The following RUBCN variants were observed in gnomAD, a reference collection of about 807,000 sequenced individuals.
RUBCN encodes rubicon autophagy regulator, also known as run domain Beclin-1-interacting and cysteine-rich domain-containing protein.
RUBCN carries 74 observed loss-of-function variants against 113.2 expected under a neutral mutation model. That is an observed-to-expected ratio of 0.65 (90% confidence interval 0.54 to 0.79). RUBCN has a LOEUF of 0.79. Among genes scored for constraint, RUBCN ranks in the 30% least tolerant of loss-of-function variants. RUBCN has a pLI of 0.00. For missense variants in RUBCN, 1,109 were observed against 1,251.7 expected, an observed-to-expected ratio of 0.89 and a Z score of 1.72; for synonymous variants, 480 against 490.0, an observed-to-expected ratio of 0.98 and a Z score of 0.27.
At chr3:197,731,634 A>C (rs1169612643) in intron 1 of RUBCN, among the ~76,000 whole-genome samples, 1 of 128,052 alleles carries the variant, frequency 7.8e-6, no homozygotes, top group Non-Finnish European at 1.7e-5. Flanking sequence ...TGACCCCCCC[A>C]CCTCCCTCCC....
At chr3:197,721,638 C>A (rs1726180969) in intron 1 of RUBCN, among the ~76,000 whole-genome samples, 1 of 151,634 alleles carries the variant, frequency 6.6e-6, no homozygotes, top group South Asian at 2.1e-4. Context: ...TCTACTAATT[C>A]TGGGTTTGGT....
At chr3:197,737,000 C>G (rs1308230905), upstream of RUBCN, 17 of 1,169,926 alleles carry the variant, frequency 1.5e-5, no homozygotes, top group African/African-American at 2.1e-4. Context: ...GCCGCGCTCG[C>G]AGACCGCGCC....
chr3:197,691,973 C>T lies in RUBCN; in HGVS notation c.1786+1742G>A, dbSNP rs145319216. Among the ~76,000 whole-genome samples the T allele has an allele frequency of 5.3e-5, 8 of 152,012 alleles. No homozygotes were observed. In the East Asian group the frequency reaches 1.5e-3, roughly 29 times the overall value. On this transcript the variant is annotated intron_variant, in intron 11 of 19. Coordinates refer to ENST00000296343, the MANE Select transcript of RUBCN (RefSeq NM_014687.4). ...ATTCAAGAAATTATTCAAAATACGC[C>T]CCTTTCAATCATACCTGAGTTTATG...
intron 7 of RUBCN, among the ~76,000 whole-genome samples, chr3:197,697,572 C>A (rs1046911242): frequency 2.0e-5 from 3 of 152,288 alleles, no homozygotes; most frequent in Middle Eastern, 3.4e-3. Flanking sequence ...GGAGAGGGCC[C>A]TGTAAGCAAA....
At chr3:197,689,476 T>C (rs978898339) in intron 11 of RUBCN, among the ~76,000 whole-genome samples, 13 of 152,052 alleles carry the variant, frequency 8.5e-5, no homozygotes, top group African/African-American at 2.9e-4. Flanking sequence ...TGAGTGCAGA[T>C]TGGACATGCT....
intron 16 of RUBCN, among the ~76,000 whole-genome samples, chr3:197,680,740 G>A (rs535808830): frequency 9.9e-5 from 15 of 152,206 alleles, no homozygotes; most frequent in East Asian, 7.7e-4. Flanking sequence ...CTCGATACCC[G>A]ATTCCTCATT....
At chr3:197,715,290 GAA>G (rs35511002) in intron 2 of RUBCN, among the ~76,000 whole-genome samples, 6 of 102,790 alleles carry the variant, frequency 5.8e-5, no homozygotes, top group African/African-American at 4.1e-5. Flanking sequence ...ACTCTATCTT[GAA>G]AAAAAAAAAA....
Position 197,714,441 on chromosome 3 carries a change from C to T in RUBCN, c.219+3536G>A, listed in dbSNP as rs568473023. Among the ~76,000 whole-genome samples, 202 of 152,244 alleles carry T rather than the reference C, an allele frequency of 1.3e-3. 1 individual carries two copies. The highest frequency in any genetic ancestry group is 2.3e-3 in the South Asian group (11 of 4,826). ...GCTTAAGCAATCTTCCCAGCTCAGCCTCCGGAGTAGCTGAGTCTACAGGCA... is the reference window on the plus strand; with the variant it reads ...GCTTAAGCAATCTTCCCAGCTCAGCTTCCGGAGTAGCTGAGTCTACAGGCA... On this transcript the variant is annotated intron_variant, in intron 2 of 19. Coordinates refer to ENST00000296343, the MANE Select transcript of RUBCN (RefSeq NM_014687.4).
At chr3:197,695,052 A>G (rs1722852936) in intron 9 of RUBCN, among the ~76,000 whole-genome samples, 1 of 152,262 alleles carries the variant, frequency 6.6e-6, no homozygotes, top group Non-Finnish European at 1.5e-5. Flanking sequence ...ATCATGCAGC[A>G]AAAACAATGC....
rs180879249 is a variant in RUBCN, at chr3:197,733,243, C to G, written c.65+3412G>C. Among the ~76,000 whole-genome samples, 363 of 152,294 alleles carry G rather than the reference C, an allele frequency of 2.4e-3. 3 individuals are homozygous for G. The highest frequency in any genetic ancestry group is 4.1e-3 in the Non-Finnish European group (282 of 68,020). On this transcript the variant is annotated intron_variant, in intron 1 of 19. Transcript: ENST00000296343. ...ATCCCAGTGCTCTGGGAGGCCAAGG[C>G]AGCAAGATCCCTTGAGGCCAGGAGT...
chr3:197,692,839 C>T (rs1722574490), intron 11 of RUBCN, among the ~76,000 whole-genome samples: 1 of 152,174 alleles, frequency 6.6e-6, no homozygotes, highest in African/African-American at 2.4e-5. Context: ...GGCGAATGGG[C>T]TCTCTAGATT....
chr3:197,734,955 A>C (rs901954769), intron 1 of RUBCN, among the ~76,000 whole-genome samples: 17 of 152,348 alleles, frequency 1.1e-4, no homozygotes, highest in Admixed American at 1.0e-3. Flanking sequence ...AAGTAGAGTC[A>C]CCCTTAAAAA....
Position 197,700,845 on chromosome 3 carries a change from G to A in RUBCN, c.1029C>T (p.Ser343=). The part of the protein sequence containing the change: ...RGRTASCQSH[S]SNAESSSSNL... ...TGGAACTGCTGCTCTCGGCATTGCT[G>A]CTGTGACTCTGACAGCTGGCAGTCC... The change falls in exon 7 of 20, where the codon AGC becomes AGT. Residue 343 remains serine (S), a synonymous_variant. Transcript: ENST00000296343. 1 of 1,614,166 alleles carries A rather than the reference G, an allele frequency of 6.2e-7. No individual in the cohort carries two copies. Among genetic ancestry groups the A allele is most frequent in the South Asian group, 1.1e-5 (1 of 91,080 alleles).
At chr3:197,702,813 A>G (rs1230141019) in intron 5 of RUBCN, among the ~76,000 whole-genome samples, 2 of 151,972 alleles carry the variant, frequency 1.3e-5, no homozygotes, top group African/African-American at 2.4e-5. Flanking sequence ...TTAGGCAACA[A>G]ATTTTCTTTG....
At chr3:197,684,929 C>G (rs975291797) in intron 11 of RUBCN, among the ~76,000 whole-genome samples, 2 of 152,078 alleles carry the variant, frequency 1.3e-5, no homozygotes, top group South Asian at 4.2e-4. Flanking sequence ...TGCCATTTTA[C>G]CCCTGAATGT....
intron 1 of RUBCN, among the ~76,000 whole-genome samples, chr3:197,731,009 T>G (rs957671218): frequency 6.6e-6 from 1 of 151,742 alleles, no homozygotes; most frequent in Non-Finnish European, 1.5e-5. Context: ...TTTGTTTTTG[T>G]TTTTATTGAT....
chr3:197,724,808 G>A (rs1249800476), intron 1 of RUBCN, among the ~76,000 whole-genome samples: 1 of 152,228 alleles, frequency 6.6e-6, no homozygotes, highest in Admixed American at 6.5e-5. Context: ...TACGTTAATA[G>A]TGGTTACCTT....
intron 1 of RUBCN, among the ~76,000 whole-genome samples, chr3:197,732,696 A>C (rs1727658943): frequency 1.3e-5 from 2 of 152,184 alleles, no homozygotes; most frequent in Admixed American, 1.3e-4. Context: ...CCTAAGCCCC[A>C]GAGCATCTGG....
chr3:197,710,651 T>C (rs1724861764), intron 2 of RUBCN, among the ~76,000 whole-genome samples: 1 of 151,948 alleles, frequency 6.6e-6, no homozygotes, highest in East Asian at 1.9e-4. Context: ...AAAAAATATT[T>C]GCAACTCCCA....
Sources: gnomAD v4.1 joint callset for allele counts (sites outside exome capture counted in the v4.1 genomes callset) on GRCh38, gnomAD v4.1.1 for gene constraint, MANE v1.5 for transcripts, NCBI Gene and HGNC (gene_info 2026-07-23, HGNC 2026-07-21) for gene names.